VPS53: variants seen among roughly 807,000 people sequenced by gnomAD.
VPS53 encodes the protein VPS53 subunit of GARP complex, also known as vacuolar protein sorting-associated protein 53 homolog.
VPS53 carries 70 observed loss-of-function variants against 107.0 expected under a neutral mutation model. The ratio of observed to expected loss-of-function variants is 0.65; its 90% CI spans 0.54 to 0.80. The LOEUF is 0.80. Ranked by LOEUF, VPS53 falls within the 30% of genes least tolerant of loss-of-function variation. The probability of loss-of-function intolerance (pLI) is 0.00; values close to 1 mark genes in which losing one functional copy is unlikely to be tolerated. For synonymous variants in VPS53, 409 were observed against 393.3 expected (o/e 1.04, Z -0.47); for missense variants, 917 against 1,049.4 (o/e 0.87, Z 1.74).
At chr17:662,507 G>C (rs1971478481) in intron 4 of VPS53, among the ~76,000 whole-genome samples, 1 of 152,020 alleles carries the variant, frequency 6.6e-6, no homozygotes, top group Non-Finnish European at 1.5e-5. Context: ...GGCTAACACG[G>C]TGAAACCCCA....
intron 7 of VPS53, among the ~76,000 whole-genome samples, chr17:643,594 G>GAAAGCGAGGA: frequency 6.9e-6 from 1 of 144,084 alleles, no homozygotes; most frequent in Non-Finnish European, 1.5e-5. Flanking sequence ...CTCATACTTG[G>GAAAGCGAGGA]CAACCGAGGA....
At chr17:693,731 T>A (rs1972852261) in intron 4 of VPS53, among the ~76,000 whole-genome samples, 1 of 152,066 alleles carries the variant, frequency 6.6e-6, no homozygotes, top group Non-Finnish European at 1.5e-5. Context: ...GTCCCTAACA[T>A]GATAATAATA....
intron 2 of VPS53, among the ~76,000 whole-genome samples, chr17:704,707 T>C (rs1973334662): frequency 6.6e-6 from 1 of 152,144 alleles, no homozygotes. Context: ...GGGGCATAAT[T>C]AGACAAGACA....
intron 14 of VPS53, 85 bp downstream of exon 14, chr17:562,418 G>A (rs1913100968): frequency 1.3e-6 from 2 of 1,569,060 alleles, no homozygotes; most frequent in African/African-American, 1.4e-5. Context: ...TGGTGGTTTA[G>A]TAAACAACTT....
intron 10 of VPS53, among the ~76,000 whole-genome samples, chr17:625,197 CAGGCTTGTCTCAAACTCCT>C (rs1969649695): frequency 6.6e-6 from 1 of 151,964 alleles, no homozygotes; most frequent in African/African-American, 2.4e-5. Context: ...CCATGTTGCC[CAGGCTTGTCTCAAACTCCT>C]AGGCTCATAT....
intron 15 of VPS53, among the ~76,000 whole-genome samples, chr17:556,941 G>GCTGAAGGGTGGATGCC (rs1912475598): frequency 6.6e-6 from 1 of 151,568 alleles, no homozygotes. Flanking sequence ...GGGGCTCTCT[G>GCTGAAGGGTGGATGCC]AGGAGGTGAT....
chr17:655,820 A>G lies in VPS53; in HGVS notation c.488+18T>C. 1 of 1,602,790 alleles carries G rather than the reference A, an allele frequency of 6.2e-7. No individual in the cohort carries two copies. Among genetic ancestry groups the G allele is most frequent in the South Asian group, 1.1e-5 (1 of 89,598 alleles). On this transcript the variant is annotated intron_variant, in intron 6 of 21. Coordinates refer to ENST00000437048, the MANE Select transcript of VPS53 (RefSeq NM_001128159.3). ...TACATTTCCCGTGGCCCCAAAAGAG[A>G]AAGTTGGCATTGCTTACTCGAGGGA...
Position 653,371 on chromosome 17 carries a change from A to G in VPS53, c.528T>C (p.Asn176=), listed in dbSNP as rs1295311130. Residue 176 remains asparagine (N), a synonymous_variant, in exon 7 of 22, where the codon AAT becomes AAC. Transcript: ENST00000437048. ...TRRRQYGEVA[N]LLQGVMNVLE... ...GGACATTCATCACACCCTGAAGGAG[A>G]TTAGCAACTTCTCCGTATTGTCTTC... 6.2e-7 allele frequency: 1 copy of G among 1,614,248 alleles called. No individual in the cohort carries two copies. Among genetic ancestry groups the G allele is most frequent in the East Asian group, 2.2e-5 (1 of 44,884 alleles).
chr17:533,994 C>G (rs1394820778), intron 18 of VPS53, among the ~76,000 whole-genome samples: 2 of 152,144 alleles, frequency 1.3e-5, no homozygotes, highest in African/African-American at 4.8e-5. Context: ...CACGCACCAG[C>G]ATACCCAGCT....
At chr17:553,945 T>A (rs1052182917) in intron 15 of VPS53, among the ~76,000 whole-genome samples, 1 of 152,166 alleles carries the variant, frequency 6.6e-6, no homozygotes, top group South Asian at 2.1e-4. Context: ...AGGGGGGGCC[T>A]ACCCAAGATA....
At chr17:556,729 T>C (rs1276344797) in intron 15 of VPS53, among the ~76,000 whole-genome samples, 1 of 152,170 alleles carries the variant, frequency 6.6e-6, no homozygotes, top group Non-Finnish European at 1.5e-5. Flanking sequence ...TTGGTGCTAA[T>C]GAACAGAGGT....
At chr17:534,761 T>C (rs935838943) in intron 18 of VPS53, among the ~76,000 whole-genome samples, 10 of 151,712 alleles carry the variant, frequency 6.6e-5, no homozygotes, top group Admixed American at 2.6e-4. Flanking sequence ...CTACAAAAAA[T>C]AGAAAAATGA....
At chr17:608,880 T>C (rs1184398500) in intron 11 of VPS53, among the ~76,000 whole-genome samples, 1 of 152,030 alleles carries the variant, frequency 6.6e-6, no homozygotes. Context: ...CCCAAAGCGC[T>C]GGGATTTTAG....
chr17:708,128 C>T lies in VPS53; in HGVS notation c.168+2405G>A, dbSNP rs563992216. On this transcript the variant is annotated intron_variant, in intron 2 of 21. Coordinates refer to ENST00000437048, the MANE Select transcript of VPS53 (RefSeq NM_001128159.3). ...GGAGACGAGAGATTGTAGAAAGACA[C>T]GAAACTAAGAAGTAGTAGGAAAGAC... Among the ~76,000 whole-genome samples the T allele has an allele frequency of 1.2e-4, 18 of 152,224 alleles. No homozygotes were observed. In the South Asian group the frequency reaches 3.7e-3, roughly 32 times the overall value.
intron 19 of VPS53, among the ~76,000 whole-genome samples, chr17:523,918 G>A (rs1015329285): frequency 1.3e-5 from 2 of 152,242 alleles, no homozygotes; most frequent in Non-Finnish European, 2.9e-5. Context: ...CAGTGGAAAT[G>A]ACTGCTGCTT....
At chr17:686,358 C>T (rs1373780275) in intron 4 of VPS53, among the ~76,000 whole-genome samples, 1 of 152,084 alleles carries the variant, frequency 6.6e-6, no homozygotes, top group East Asian at 1.9e-4. Flanking sequence ...GTTATAAAAA[C>T]TAGAAATGAA....
chr17:627,455 C>A, intron 9 of VPS53, 139 bp from the exon 10 acceptor site: 1 of 1,170,456 alleles, frequency 8.5e-7, no homozygotes. Flanking sequence ...TCTAGGCTAC[C>A]TTTTTAACTT....
intron 4 of VPS53, among the ~76,000 whole-genome samples, chr17:679,302 T>G (rs749540121): frequency 6.6e-6 from 1 of 151,438 alleles, no homozygotes; most frequent in Admixed American, 6.6e-5. Flanking sequence ...GATCACGAGG[T>G]CAGGAGATTG....
chr17:643,814 A>G (rs939173128), intron 7 of VPS53, among the ~76,000 whole-genome samples: 1 of 152,246 alleles, frequency 6.6e-6, no homozygotes, highest in Non-Finnish European at 1.5e-5. Flanking sequence ...AACTGAGGAC[A>G]ACACTCATAC....
Sources: allele counts gnomAD v4.1 joint callset (sites outside exome capture counted in the v4.1 genomes callset), GRCh38; gene constraint gnomAD v4.1.1; transcripts MANE v1.5; gene names NCBI Gene and HGNC (gene_info 2026-07-23, HGNC 2026-07-21).